Variants in DMD observed in about 807,000 individuals in gnomAD.
DMD encodes the protein mutant dystrophin.
In DMD, 63 loss-of-function variants were observed where a neutral mutation model predicts 330.1. That is an observed-to-expected ratio of 0.19 (90% CI 0.16 to 0.24). DMD has a LOEUF of 0.24. DMD is among the 10% of genes least tolerant of loss of function. The probability of loss-of-function intolerance (pLI) is 1.00; values close to 1 mark genes in which losing one functional copy is unlikely to be tolerated. For missense variants in DMD, 3,344 were observed against 2,684.1 expected (o/e 1.25, Z -5.43); for synonymous variants, 1,223 against 959.8 (o/e 1.27, Z -5.07).
At chrX:32,643,008 G>T (rs1031561541) in intron 11 of DMD, among the ~76,000 whole-genome samples, 2 of 111,317 alleles carry the variant, frequency 1.8e-5, no homozygotes, top group East Asian at 5.6e-4. Flanking sequence ...TCTTAATATC[G>T]ATAATAGATG....
At chrX:32,050,368 C>G (rs2096099870) in intron 44 of DMD, among the ~76,000 whole-genome samples, 1 of 111,067 alleles carries the variant, frequency 9.0e-6, no homozygotes, top group African/African-American at 3.3e-5. Flanking sequence ...TAATAAAATA[C>G]AAAGTTTACA....
chrX:31,780,197 G>A (rs147688369), intron 50 of DMD, among the ~76,000 whole-genome samples: 2,902 of 111,849 alleles, frequency 0.026, 43 homozygotes, highest in Middle Eastern at 0.083. Flanking sequence ...TTCACACATG[G>A]TTTTCCTGTA....
intron 4 of DMD, among the ~76,000 whole-genome samples, chrX:32,841,805 G>C (rs2148963966): frequency 1.8e-5 from 2 of 111,537 alleles, no homozygotes; most frequent in East Asian, 5.7e-4. Flanking sequence ...TCTTCAACAG[G>C]TCATAAAAAT....
intron 41 of DMD, among the ~76,000 whole-genome samples, chrX:32,334,031 G>A (rs1001039740): frequency 9.0e-6 from 1 of 111,263 alleles, no homozygotes; most frequent in Non-Finnish European, 1.9e-5. Flanking sequence ...TCATCTTTCT[G>A]GAAGCTGATA....
chrX:32,513,041 C>T (rs765435172), intron 18 of DMD, among the ~76,000 whole-genome samples: 6 of 111,790 alleles, frequency 5.4e-5, no homozygotes, highest in South Asian at 3.8e-4. Context: ...GGTCATTAGG[C>T]GTGGTTTGGA....
chrX:32,547,972 C>A (rs2049142474), intron 16 of DMD, among the ~76,000 whole-genome samples: 1 of 111,529 alleles, frequency 9.0e-6, no homozygotes, highest in African/African-American at 3.3e-5. Flanking sequence ...ATCTAATAAT[C>A]ATGACCCTGA....
chrX:32,364,500 G>A (rs1213532929), intron 36 of DMD, 82 bp downstream of exon 36: 26 of 1,070,266 alleles, frequency 2.4e-5, no homozygotes, highest in East Asian at 1.2e-4. Context: ...TTATTAAGAC[G>A]TCCTTAGTAT....
At chrX:33,187,108 G>A (rs184460896) in intron 1 of DMD, among the ~76,000 whole-genome samples, 43 of 111,583 alleles carry the variant, frequency 3.9e-4, no homozygotes, top group African/African-American at 1.2e-3. Context: ...TAATATCATT[G>A]AATATTCAAT....
intron 1 of DMD, among the ~76,000 whole-genome samples, chrX:33,313,714 G>A (rs190651472): frequency 9.0e-6 from 1 of 111,070 alleles, no homozygotes; most frequent in African/African-American, 3.3e-5. Context: ...CATAAATGCA[G>A]TGAATACAAA....
At chrX:32,905,012 T>C (rs1729575589) in intron 2 of DMD, among the ~76,000 whole-genome samples, 1 of 112,614 alleles carries the variant, frequency 8.9e-6, no homozygotes, top group Non-Finnish European at 1.9e-5. Flanking sequence ...TGTATGTATA[T>C]ATGTATTTCT....
chrX:31,312,621 G>T (rs1348089439), intron 62 of DMD, among the ~76,000 whole-genome samples: 1 of 112,374 alleles, frequency 8.9e-6, no homozygotes, highest in African/African-American at 3.2e-5. Flanking sequence ...ACACCCAAAG[G>T]AATATAAATC....
At chrX:32,314,088 A>G (rs2097574264) in intron 41 of DMD, among the ~76,000 whole-genome samples, 1 of 111,963 alleles carries the variant, frequency 8.9e-6, no homozygotes, top group Admixed American at 9.5e-5. Context: ...CCATATAGCC[A>G]AGAAAATCCT....
chrX:31,334,245 T>G lies in DMD; in HGVS notation c.9164-10587A>C, dbSNP rs781425195. On this transcript the variant is annotated intron_variant, in intron 61 of 78. Coordinates refer to ENST00000357033, the MANE Select transcript of DMD (RefSeq NM_004006.3). ...CACCGCGCCCGGCCCGAGATATTCA[T>G]CTTATCAGAATGGCTAAGTAGAAGG... Among the ~76,000 whole-genome samples, 4 of 112,647 alleles carry G rather than the reference T, an allele frequency of 3.6e-5. 1 individual carries two copies. In the South Asian group the frequency reaches 1.5e-3, roughly 41 times the overall value.
At chrX:32,875,919 C>T (rs1213229080) in intron 2 of DMD, among the ~76,000 whole-genome samples, 2 of 111,378 alleles carry the variant, frequency 1.8e-5, no homozygotes, top group Non-Finnish European at 3.8e-5. Context: ...ATCCTTTTGC[C>T]GTATCATCTG....
rs904350213 is a variant in DMD at position 32,848,240 on chromosome X, G to A, written c.186+1488C>T. ...TTTCACGAACATTTGGAAGACACTGGGACTTCTGTATTCGGTAACAAAGTA... is the reference window on the plus strand; with the variant it reads ...TTTCACGAACATTTGGAAGACACTGAGACTTCTGTATTCGGTAACAAAGTA... On this transcript the variant is annotated intron_variant, in intron 3 of 78. Coordinates refer to ENST00000357033, the MANE Select transcript of DMD (RefSeq NM_004006.3). Among the ~76,000 whole-genome samples, 4 of 111,607 alleles carry A rather than the reference G, an allele frequency of 3.6e-5. No individual in the cohort carries two copies. In the Admixed American group the frequency reaches 3.8e-4, roughly 11 times the overall value.
At chrX:32,929,509 C>A (rs913828630) in intron 2 of DMD, among the ~76,000 whole-genome samples, 1 of 110,819 alleles carries the variant, frequency 9.0e-6, no homozygotes, top group African/African-American at 3.3e-5. Context: ...CCATGTTCAA[C>A]TAATTGGCCA....
intron 1 of DMD, among the ~76,000 whole-genome samples, chrX:33,332,220 T>A (rs1164312762): frequency 1.8e-5 from 2 of 111,597 alleles, no homozygotes; most frequent in Non-Finnish European, 3.8e-5. Context: ...TTTCTCAAGG[T>A]CAGAAAATAA....
At chrX:32,678,999 A>AT (rs2062167895) in intron 9 of DMD, among the ~76,000 whole-genome samples, 1 of 112,327 alleles carries the variant, frequency 8.9e-6, no homozygotes, top group African/African-American at 3.2e-5. Flanking sequence ...ACCACTGATA[A>AT]ACCTAACACA....
intron 52 of DMD, among the ~76,000 whole-genome samples, chrX:31,711,096 AAAGG>A (rs772181482): frequency 6.3e-5 from 7 of 110,873 alleles, no homozygotes; most frequent in Non-Finnish European, 1.1e-4. Context: ...CCAAAAAAAA[AAAGG>A]TTTTGTAAAA....
Sources: allele counts gnomAD v4.1 joint callset (sites outside exome capture counted in the v4.1 genomes callset), GRCh38; gene constraint gnomAD v4.1.1; transcripts MANE v1.5; gene names NCBI Gene and HGNC (gene_info 2026-07-23, HGNC 2026-07-21).